Variants in DLG2 observed in about 807,000 individuals in gnomAD.
DLG2 encodes disks large homolog 2.
A neutral mutation model predicts 132.5 loss-of-function variants in DLG2; 45 were observed. That is an observed-to-expected ratio of 0.34 (90% CI 0.27 to 0.44). DLG2 has a LOEUF of 0.44. DLG2 is among the 20% of genes least tolerant of loss of function. DLG2 has a pLI of 1.00. For missense variants in DLG2, 1,045 were observed against 1,196.9 expected (o/e 0.87, Z 1.87); for synonymous variants, 424 against 419.6 (o/e 1.01, Z -0.13).
At chr11:85,538,586 C>T (rs767676749) in intron 3 of DLG2, among the ~76,000 whole-genome samples, 16 of 151,788 alleles carry the variant, frequency 1.1e-4, no homozygotes, top group Non-Finnish European at 1.6e-4. Flanking sequence ...ACATGGAATC[C>T]ACCCAAATGC....
intron 6 of DLG2, among the ~76,000 whole-genome samples, chr11:84,943,188 G>GTC (rs2049715598): frequency 6.6e-6 from 1 of 151,578 alleles, no homozygotes; most frequent in African/African-American, 2.4e-5. Flanking sequence ...GTGTGTGTGT[G>GTC]TGTGTGTGTG....
intron 6 of DLG2, among the ~76,000 whole-genome samples, chr11:84,584,090 T>C (rs905205943): frequency 2.6e-5 from 4 of 152,106 alleles, no homozygotes. Context: ...TAAGTCATAA[T>C]GTTCAGCTTT....
chr11:84,768,214 A>C (rs1429977813), intron 6 of DLG2, among the ~76,000 whole-genome samples: 1 of 152,184 alleles, frequency 6.6e-6, no homozygotes, highest in Admixed American at 6.6e-5. Context: ...TCCTACCCCA[A>C]GATGTCACTA....
chr11:85,116,971 C>T lies in DLG2; in HGVS notation c.283-5236G>A, dbSNP rs2073689860. Among the ~76,000 whole-genome samples, 3 of 152,098 alleles carry T rather than the reference C, an allele frequency of 2.0e-5. No individual in the cohort carries two copies. In the South Asian group the frequency reaches 6.2e-4, roughly 32 times the overall value. ...CTGCACCTAGAGCTTAACATAACTTCCTTGGGTTTAGGAGGTCAGTATACT... is the reference window on the plus strand; with the variant it reads ...CTGCACCTAGAGCTTAACATAACTTTCTTGGGTTTAGGAGGTCAGTATACT... On this transcript the variant is annotated intron_variant, in intron 5 of 27. Transcript: ENST00000376104.
intron 19 of DLG2, among the ~76,000 whole-genome samples, chr11:83,573,393 A>T (rs186631961): frequency 2.6e-5 from 4 of 152,308 alleles, no homozygotes; most frequent in Admixed American, 1.3e-4. Context: ...TTTGCAGAGT[A>T]ATATAATTAC....
chr11:85,434,125 T>C (rs1354020328), intron 3 of DLG2, among the ~76,000 whole-genome samples: 1 of 151,446 alleles, frequency 6.6e-6, no homozygotes, highest in Non-Finnish European at 1.5e-5. Flanking sequence ...TTGAAACCAA[T>C]GGAAAAAAAA....
At chr11:83,478,127 G>T (rs75980977) in intron 22 of DLG2, among the ~76,000 whole-genome samples, 361 of 152,134 alleles carry the variant, frequency 2.4e-3, no homozygotes, top group African/African-American at 8.5e-3. Context: ...TATTCACAAT[G>T]GGTCTCATGG....
chr11:84,253,993 C>A (rs148725438), intron 7 of DLG2, among the ~76,000 whole-genome samples: 1 of 151,994 alleles, frequency 6.6e-6, no homozygotes, highest in African/African-American at 2.4e-5. Flanking sequence ...GCAGGTTAGA[C>A]GTTGAACACA....
rs2096213408 is a variant in DLG2 at position 84,183,985 on chromosome 11, T to A, written c.574-20474A>T. 2.6e-5 allele frequency among the ~76,000 whole-genome samples: 4 copies of A among 152,002 alleles called. No homozygotes were observed. In the South Asian group the frequency reaches 8.3e-4, roughly 31 times the overall value. ...TAATCCAGTCTATCATTGTTGGACA[T>A]TTGGGTTGGTTCCAAGTCTTTGCTA... On this transcript the variant is annotated intron_variant, in intron 8 of 27. Transcript: ENST00000376104.
intron 3 of DLG2, among the ~76,000 whole-genome samples, chr11:85,347,128 T>C (rs2082902870): frequency 1.3e-5 from 2 of 152,156 alleles, no homozygotes; most frequent in African/African-American, 2.4e-5. Context: ...ATATTCTTGT[T>C]CCACTTTGCC....
At chr11:85,432,044 C>T (rs745394792) in intron 3 of DLG2, among the ~76,000 whole-genome samples, 2 of 152,104 alleles carry the variant, frequency 1.3e-5, no homozygotes, top group Non-Finnish European at 2.9e-5. Flanking sequence ...GGGCCTGGAG[C>T]GAACTCCCAG....
chr11:84,385,961 C>T (rs1055201752), intron 7 of DLG2, among the ~76,000 whole-genome samples: 4 of 152,146 alleles, frequency 2.6e-5, no homozygotes, highest in Admixed American at 2.6e-4. Context: ...GTAACCAATG[C>T]GTACCCCTAA....
intron 9 of DLG2, among the ~76,000 whole-genome samples, chr11:84,116,876 C>T (rs2093658662): frequency 6.6e-6 from 1 of 152,166 alleles, no homozygotes; most frequent in African/African-American, 2.4e-5. Flanking sequence ...GGAATAAAGT[C>T]TAAATTTATT....
At chr11:83,516,236 T>C (rs1272959722) in intron 21 of DLG2, among the ~76,000 whole-genome samples, 2 of 152,240 alleles carry the variant, frequency 1.3e-5, no homozygotes, top group Admixed American at 1.3e-4. Flanking sequence ...ATATTTAGGA[T>C]AGTTAGCTCT....
chr11:85,080,169 G>A (rs373411238), intron 6 of DLG2, among the ~76,000 whole-genome samples: 2 of 152,066 alleles, frequency 1.3e-5, no homozygotes, highest in East Asian at 3.9e-4. Flanking sequence ...AACCAAGAGG[G>A]ATAGGTGCTT....
chr11:84,647,948 T>G (rs2099676935), intron 6 of DLG2, among the ~76,000 whole-genome samples: 1 of 152,200 alleles, frequency 6.6e-6, no homozygotes, highest in South Asian at 2.1e-4. Context: ...TGGTGCTTAG[T>G]ACTTAGCATA....
At chr11:84,888,331 G>C (rs1566275396) in intron 6 of DLG2, among the ~76,000 whole-genome samples, 1 of 152,046 alleles carries the variant, frequency 6.6e-6, no homozygotes, top group Non-Finnish European at 1.5e-5. Context: ...GCAAAGGAAG[G>C]GTGAATTTTT....
At chr11:83,644,160 T>A (rs976856824) in intron 18 of DLG2, among the ~76,000 whole-genome samples, 1 of 152,194 alleles carries the variant, frequency 6.6e-6, no homozygotes, top group African/African-American at 2.4e-5. Context: ...TTTGCAGCAC[T>A]CAGCATACAT....
At chr11:84,584,792 C>A (rs925381318) in intron 6 of DLG2, among the ~76,000 whole-genome samples, 1 of 143,348 alleles carries the variant, frequency 7.0e-6, no homozygotes, top group Non-Finnish European at 1.5e-5. Flanking sequence ...GGGTTCACGC[C>A]ATTCTCCTGC....
Sources: allele counts gnomAD v4.1 joint callset (sites outside exome capture counted in the v4.1 genomes callset), GRCh38; gene constraint gnomAD v4.1.1; transcripts MANE v1.5; gene names NCBI Gene and HGNC (gene_info 2026-07-23, HGNC 2026-07-21).